Variants in CLCN6 observed in about 807,000 individuals in gnomAD.
The protein encoded by CLCN6 is H(+)/Cl(-) exchange transporter 6.
In CLCN6, 70 loss-of-function variants were observed where a neutral mutation model predicts 109.8. The observed-to-expected ratio is 0.64, with a 90% CI of 0.53 to 0.78. CLCN6 has a LOEUF of 0.78. Among genes scored for constraint, CLCN6 ranks in the 30% least tolerant of loss-of-function variants. The probability of loss-of-function intolerance (pLI) is 0.00; values close to 1 mark genes in which losing one functional copy is unlikely to be tolerated. For missense variants in CLCN6, 984 were observed against 1,142.3 expected, an observed-to-expected ratio of 0.86 and a Z score of 2.00; for synonymous variants, 444 against 447.8, an observed-to-expected ratio of 0.99 and a Z score of 0.11.
intron 4 of CLCN6, among the ~76,000 whole-genome samples, chr1:11,817,852 CAAGT>C (rs938806286): frequency 2.6e-5 from 4 of 152,278 alleles, no homozygotes; most frequent in African/African-American, 9.6e-5. Flanking sequence ...AGTAAATCCA[CAAGT>C]AAAGGAACAT....
rs77130610 is a variant in CLCN6, at chr1:11,806,300, G to A, written c.38G>A (p.Arg13Lys). The A allele has an allele frequency of 1.1e-5, 17 of 1,511,696 alleles. No homozygotes were observed. In the African/African-American group the frequency reaches 2.2e-4, roughly 20 times the overall value. The allele number at this position is 1,511,696 out of a possible 1,614,324, so 93.6% of individuals were successfully genotyped here. A position where few individuals can be genotyped will look rare whatever the true frequency, so the allele number is the denominator to read the frequency against. ...AGGGGGTCTCTGTGCTGCTGCTGCA[G>A]GTGGTGCTGCTGCTGCGGTGAGCGT... ...GCRGSLCCCCRWCCCCGERET... is the reference protein window; with the variant it reads ...GCRGSLCCCCKWCCCCGERET... Residue 13 changes from arginine to lysine, a missense_variant, in exon 1 of 23, where the codon AGG (arginine) becomes AAG (lysine). Physicochemically the swap from Arg to Lys is conservative, Grantham distance 26. Coordinates refer to ENST00000346436, the MANE Select transcript of CLCN6 (RefSeq NM_001286.5).
At chr1:11,826,756 G>T (rs2076004) in intron 9 of CLCN6, among the ~76,000 whole-genome samples, 2 of 152,090 alleles carry the variant, frequency 1.3e-5, no homozygotes, top group Non-Finnish European at 2.9e-5. Flanking sequence ...AGGAAGATCC[G>T]GTGGGAACAT....
Position 11,822,802 on chromosome 1 carries a change from G to T in CLCN6, c.453+1G>T. On this transcript the variant is annotated splice_donor_variant, in intron 6 of 22. Coordinates refer to ENST00000346436, the MANE Select transcript of CLCN6 (RefSeq NM_001286.5). LOFTEE classifies it high-confidence loss of function. The stretch of plus-strand genomic sequence containing the variant: ...GGCAAGCCTCCTTGTTCTCATTGAG[G>T]TGAGGTGGTTTGGATTCACCTGCTC... 1 of 1,607,768 alleles carries T rather than the reference G, an allele frequency of 6.2e-7. No homozygotes were observed. The highest frequency in any genetic ancestry group is 8.5e-7 in the Non-Finnish European group (1 of 1,174,226).
intron 13 of CLCN6, among the ~76,000 whole-genome samples, chr1:11,831,727 A>G (rs757088577): frequency 6.6e-6 from 1 of 152,156 alleles, no homozygotes; most frequent in Non-Finnish European, 1.5e-5. Flanking sequence ...TCTGTCACCC[A>G]GGCTGGAGTA....
At chr1:11,830,838 T>C (rs1232183303) in intron 13 of CLCN6, among the ~76,000 whole-genome samples, 2 of 149,470 alleles carry the variant, frequency 1.3e-5, no homozygotes, top group African/African-American at 2.5e-5. Context: ...TATTTCTGTT[T>C]GTTTTGTTTT....
chr1:11,823,838 G>A lies in CLCN6; in HGVS notation c.580+5G>A. On this transcript the variant is annotated splice_donor_5th_base_variant and intron_variant, in intron 7 of 22. Transcript: ENST00000346436. ...TGCTGTTCAGTGTGGCTGGAGGTAA[G>A]AAGGGTCCAACTTGTATCCTTCAAA... is the stretch of plus-strand genomic sequence containing the variant. 6.2e-7 allele frequency: 1 copy of A among 1,614,198 alleles called. No individual in the cohort carries two copies. Among genetic ancestry groups the A allele is most frequent in the Non-Finnish European group, 8.5e-7 (1 of 1,180,002 alleles).
chr1:11,834,280 T>C lies in CLCN6; in HGVS notation c.1571T>C (p.Ile524Thr), dbSNP rs1382356403. ...GHIYSGTFAL[I>T]GAAAFLGGVV... ...ATCTATTCGGGGACCTTTGCCCTGATTGGTGCAGCGGCTTTCTTGGGCGGG... is the reference window on the plus strand; with the variant it reads ...ATCTATTCGGGGACCTTTGCCCTGACTGGTGCAGCGGCTTTCTTGGGCGGG... The change falls in exon 16 of 23, where the codon ATT becomes ACT. Residue 524 changes from isoleucine to threonine, a missense_variant. Ile to Thr is a moderately conservative substitution (Grantham distance 89). Transcript: ENST00000346436. The surrounding 1 kb of genome is among the most constrained non-coding windows in gnomAD (Gnocchi z 4.5). 5 of 1,614,124 alleles carry C rather than the reference T, an allele frequency of 3.1e-6. No individual in the cohort carries two copies. Among genetic ancestry groups the C allele is most frequent in the Middle Eastern group, 3.3e-4 (2 of 6,060 alleles).
rs374582976 is a variant in CLCN6, at chr1:11,840,469, C to A, written c.*246C>A. On this transcript the variant is annotated 3_prime_UTR_variant, in exon 23 of 23. Transcript: ENST00000346436. The stretch of plus-strand genomic sequence containing the variant: ...CACTTCCTGCTCCCTGTGTTCCCAC[C>A]CTCCAGTGTTGGCACAGGCCCACCC... The A allele has an allele frequency of 7.0e-6, 4 of 570,400 alleles. No individual in the cohort carries two copies. In the Admixed American group the frequency reaches 8.9e-5, roughly 13 times the overall value. 35.3% of individuals were successfully genotyped at this position (570,400 alleles called of 1,614,324 possible). A position where few individuals can be genotyped will look rare whatever the true frequency, so the allele number is the denominator to read the frequency against.
intron 5 of CLCN6, among the ~76,000 whole-genome samples, chr1:11,821,055 A>G (rs1644734609): frequency 6.6e-6 from 1 of 150,836 alleles, no homozygotes; most frequent in Admixed American, 6.6e-5. Flanking sequence ...CAGCCTGGGC[A>G]ATGAGAGCAA....
Position 11,823,724 on chromosome 1 carries a change from C to T in CLCN6, c.471C>T (p.Ser157=), listed in dbSNP as rs747499856. Residue 157 remains serine (S), a synonymous_variant, in exon 7 of 23, where the codon TCC becomes TCT. Transcript: ENST00000346436. ...LVLIEPVAAG[S]GIPEVKCYLN... is the part of the protein sequence containing the mutation. ...TCCATCAGCCGGTGGCAGCAGGTTC[C>T]GGGATACCCGAGGTCAAATGCTATC... 3.3e-5 allele frequency: 53 copies of T among 1,614,072 alleles called. No homozygotes were observed. The South Asian group carries it at 3.6e-4, about 11-fold the overall frequency.
At chr1:11,807,248 G>C (rs965209431) in intron 2 of CLCN6, 58 bp downstream of exon 2, 2 of 1,472,464 alleles carry the variant, frequency 1.4e-6, no homozygotes, top group African/African-American at 2.8e-5. Flanking sequence ...GGTCACTTCA[G>C]GCCGAAGCAT....
At chr1:11,827,322 G>A (rs1430516783) in intron 10 of CLCN6, 101 bp downstream of exon 10, 11 of 1,278,430 alleles carry the variant, frequency 8.6e-6, no homozygotes, top group Non-Finnish European at 9.6e-6. Context: ...AGACTGGGGG[G>A]TCAACTGGAT....
intron 4 of CLCN6, 136 bp downstream of exon 4, chr1:11,816,816 T>C (rs982018649): frequency 7.1e-6 from 4 of 564,734 alleles, no homozygotes; most frequent in Non-Finnish European, 1.2e-5. Context: ...CACTTGTCAT[T>C]ATAATCAAGA....
chr1:11,807,158 G>A lies in CLCN6; in HGVS notation c.115G>A (p.Glu39Lys), dbSNP rs765379751. ...LTILGETQEE[E>K]DEILPRKDYE... is the part of the protein sequence containing the mutation. ...CATCCTTGGAGAAACACAGGAGGAG[G>A]AGGATGAGATTCTTCCAAGGAAAGA... Residue 39 changes from glutamate (E) to lysine (K), a missense_variant, in exon 2 of 23, where the codon GAG becomes AAG. Transcript: ENST00000346436. 3 of 1,614,208 alleles carry A rather than the reference G, an allele frequency of 1.9e-6. No homozygotes were observed. In the South Asian group the frequency reaches 3.3e-5, roughly 18 times the overall value.
intron 8 of CLCN6, 113 bp from the exon 9 acceptor site, chr1:11,826,043 C>A (rs1181310302): frequency 4.0e-6 from 3 of 759,340 alleles, no homozygotes; most frequent in South Asian, 1.7e-5. Flanking sequence ...TAGTTTCAGT[C>A]CTAGGCTGCC....
chr1:11,808,854 T>C (rs1257978362), intron 2 of CLCN6, among the ~76,000 whole-genome samples: 1 of 152,062 alleles, frequency 6.6e-6, no homozygotes, highest in Non-Finnish European at 1.5e-5. Flanking sequence ...TCTATTTCTT[T>C]TTTTTTCTTT....
intron 13 of CLCN6, among the ~76,000 whole-genome samples, chr1:11,832,821 G>A (rs1461894869): frequency 6.6e-6 from 1 of 152,184 alleles, no homozygotes; most frequent in Non-Finnish European, 1.5e-5. Flanking sequence ...TTGCCTTCTA[G>A]CAAAGATCCC....
rs189830880 is a variant in CLCN6 at position 11,816,911 on chromosome 1, A to G, written c.279+231A>G. ...CACTTCCCCTGCTTTTGCTTTGTGA[A>G]ATGAAAGCGAGACACATGACAATGG... On this transcript the variant is annotated intron_variant, in intron 4 of 22. Transcript: ENST00000346436. Among the ~76,000 whole-genome samples the G allele has an allele frequency of 5.3e-4, 81 of 151,962 alleles. 1 individual carries two copies. In the East Asian group the frequency reaches 0.013, roughly 25 times the overall value.
rs1216520509 is a variant in CLCN6 at position 11,821,073 on chromosome 1, T to TAAAAA, written c.346+1519_346+1520insAAAAA. Among the ~76,000 whole-genome samples the TAAAAA allele has an allele frequency of 8.0e-4, 98 of 123,008 alleles. 1 individual carries two copies. The highest frequency in any genetic ancestry group is 1.3e-3 in the Non-Finnish European group (73 of 58,166). The allele number at this position is 123,008 out of a possible 152,430, so 80.7% of individuals were successfully genotyped here. On this transcript the variant is annotated intron_variant, in intron 5 of 22. Coordinates refer to ENST00000346436, the MANE Select transcript of CLCN6 (RefSeq NM_001286.5). The stretch of plus-strand genomic sequence containing the variant: ...CCTGGGCAATGAGAGCAAAACTGTC[T>TAAAAA]CAAAAAACAACAACAAAAAAAAAAA...
Sources: gnomAD v4.1 joint callset for allele counts (sites outside exome capture counted in the v4.1 genomes callset) on GRCh38, gnomAD v4.1.1 for gene constraint, Gnocchi (gnomAD v3.1) non-coding constraint, MANE v1.5 for transcripts, NCBI Gene and HGNC (gene_info 2026-07-23, HGNC 2026-07-21) for gene names.